KCNAB1: variants seen among roughly 807,000 people sequenced by gnomAD.
KCNAB1 encodes the protein potassium voltage-gated channel subfamily A regulatory beta subunit 1.
In KCNAB1, 35 loss-of-function variants were observed where a neutral mutation model predicts 64.6. That is an observed-to-expected ratio of 0.54 (90% CI 0.41 to 0.72). KCNAB1 has a LOEUF of 0.72. KCNAB1 is among the 30% of genes least tolerant of loss of function. The pLI, the probability that KCNAB1 is intolerant of heterozygous loss-of-function variation, is 0.00. For synonymous variants in KCNAB1, 177 were observed against 183.8 expected (o/e 0.96, Z 0.30); for missense variants, 401 against 512.9 (o/e 0.78, Z 2.11).
chr3:156,184,331 A>C (rs1004923091), intron 1 of KCNAB1, among the ~76,000 whole-genome samples: 1 of 152,118 alleles, frequency 6.6e-6, no homozygotes, highest in East Asian at 1.9e-4. Context: ...CTTTTGTAGC[A>C]TCTCCAGGCT....
chr3:156,278,334 C>T (rs1220936191), intron 1 of KCNAB1, among the ~76,000 whole-genome samples: 1 of 152,100 alleles, frequency 6.6e-6, no homozygotes, highest in East Asian at 1.9e-4. Context: ...GTGGGAAGCT[C>T]CTCCAGAGTC....
intron 1 of KCNAB1, among the ~76,000 whole-genome samples, chr3:156,342,097 G>A (rs988641941): frequency 6.6e-6 from 1 of 152,164 alleles, no homozygotes; most frequent in African/African-American, 2.4e-5. Flanking sequence ...GATGCCACTT[G>A]GAATGCCTGA....
chr3:156,480,320 T>C (rs1714694740), intron 8 of KCNAB1, among the ~76,000 whole-genome samples: 1 of 151,652 alleles, frequency 6.6e-6, no homozygotes, highest in East Asian at 1.9e-4. Context: ...AATTTTCTAT[T>C]AGCTACATCA....
intron 1 of KCNAB1, among the ~76,000 whole-genome samples, chr3:156,137,417 A>G: frequency 6.6e-6 from 1 of 152,186 alleles, no homozygotes; most frequent in Middle Eastern, 3.4e-3. Context: ...CCCCTCCCCT[A>G]TCCTACCAGG....
At chr3:156,344,294 T>C (rs191907355) in intron 1 of KCNAB1, among the ~76,000 whole-genome samples, 1 of 152,348 alleles carries the variant, frequency 6.6e-6, no homozygotes, top group Admixed American at 6.5e-5. Flanking sequence ...AAATTTGCCT[T>C]GCGACAAAGA....
chr3:156,144,943 G>T (rs564250876), intron 1 of KCNAB1, among the ~76,000 whole-genome samples: 1 of 152,308 alleles, frequency 6.6e-6, no homozygotes, highest in African/African-American at 2.4e-5. Context: ...TGAAGTAGAG[G>T]AACACGTTCT....
At chr3:156,123,539 G>A (rs1713472911) in intron 1 of KCNAB1, among the ~76,000 whole-genome samples, 1 of 152,254 alleles carries the variant, frequency 6.6e-6, no homozygotes, top group Non-Finnish European at 1.5e-5. Context: ...ATTGCAGGCA[G>A]CAGGATAGGG....
At position 156,477,324 on chromosome 3, in the gene KCNAB1, T is replaced by C. The variant is rs1003765139; in HGVS notation, c.658+2504T>C. Reference sequence around the variant, plus strand: ...TTCCACAAAGCGGAATGGGAAGCTATTTTATCCTGAGTCATTTTCCAAGCT... The same window carrying C: ...TTCCACAAAGCGGAATGGGAAGCTACTTTATCCTGAGTCATTTTCCAAGCT... On this transcript the variant is annotated intron_variant, in intron 8 of 13. Coordinates refer to ENST00000490337, the MANE Select transcript of KCNAB1 (RefSeq NM_172160.3). Among the ~76,000 whole-genome samples the C allele has an allele frequency of 2.0e-5, 3 of 152,146 alleles. No individual in the cohort carries two copies. The East Asian group carries it at 5.8e-4, about 29-fold the overall frequency.
At chr3:156,125,273 T>C (rs1381396182) in intron 1 of KCNAB1, among the ~76,000 whole-genome samples, 3 of 152,192 alleles carry the variant, frequency 2.0e-5, no homozygotes, top group Non-Finnish European at 4.4e-5. Context: ...ATTTAAGGCC[T>C]ATGAAGAAAA....
intron 1 of KCNAB1, among the ~76,000 whole-genome samples, chr3:156,149,894 T>A (rs1216240025): frequency 6.6e-6 from 1 of 152,214 alleles, no homozygotes; most frequent in Non-Finnish European, 1.5e-5. Context: ...GCCCTTTTCA[T>A]GAGACACTTG....
intron 1 of KCNAB1, among the ~76,000 whole-genome samples, chr3:156,403,931 T>C (rs1459883252): frequency 6.6e-6 from 1 of 150,662 alleles, no homozygotes; most frequent in African/African-American, 2.5e-5. Flanking sequence ...CCATGCATAA[T>C]TGTGTACCAA....
chr3:156,129,054 G>C (rs1053781241), intron 1 of KCNAB1, among the ~76,000 whole-genome samples: 1 of 151,876 alleles, frequency 6.6e-6, no homozygotes, highest in Non-Finnish European at 1.5e-5. Context: ...TTTTATAGTC[G>C]TTCTGTTTAA....
chr3:156,494,259 G>A (rs1715844295), intron 8 of KCNAB1, among the ~76,000 whole-genome samples: 1 of 152,006 alleles, frequency 6.6e-6, no homozygotes, highest in Non-Finnish European at 1.5e-5. Context: ...TTCTGATTTT[G>A]TTCTATGACT....
intron 1 of KCNAB1, among the ~76,000 whole-genome samples, chr3:156,252,354 A>G (rs189377555): frequency 2.7e-4 from 41 of 152,294 alleles, no homozygotes; most frequent in Admixed American, 2.4e-3. Context: ...GGCTGAGAGG[A>G]AAGTAGAGCA....
chr3:156,181,010 A>G (rs1183137140), intron 1 of KCNAB1, among the ~76,000 whole-genome samples: 1 of 152,160 alleles, frequency 6.6e-6, no homozygotes. Context: ...CTTGGCTTAC[A>G]GAGAGCTGCC....
chr3:156,271,663 A>G lies in KCNAB1; in HGVS notation c.276-149953A>G, dbSNP rs184808409. Reference sequence around the variant, plus strand: ...TCAAATGCTCTGTATGAAACGTCAAATATCTGTCTCTCTCCAGGATTGGTC... The same window carrying G: ...TCAAATGCTCTGTATGAAACGTCAAGTATCTGTCTCTCTCCAGGATTGGTC... On this transcript the variant is annotated intron_variant, in intron 1 of 13. Transcript: ENST00000490337. Among the ~76,000 whole-genome samples the G allele has an allele frequency of 1.4e-3, 217 of 152,292 alleles. 1 individual carries two copies. The highest frequency in any genetic ancestry group is 2.3e-3 in the Non-Finnish European group (159 of 68,034).
At chr3:156,351,590 C>G (rs115399168) in intron 1 of KCNAB1, among the ~76,000 whole-genome samples, 1,819 of 152,286 alleles carry the variant, frequency 0.012, 35 homozygotes, top group South Asian at 0.076. Flanking sequence ...TTTCTTCCAG[C>G]CTGTTTGGAG....
chr3:156,252,128 G>A (rs1308823490), intron 1 of KCNAB1, among the ~76,000 whole-genome samples: 4 of 152,196 alleles, frequency 2.6e-5, no homozygotes, highest in Non-Finnish European at 5.9e-5. Flanking sequence ...GAAGCACCTG[G>A]CTCCCCCTGA....
At chr3:156,469,057 T>C (rs941311907) in intron 7 of KCNAB1, among the ~76,000 whole-genome samples, 2 of 152,190 alleles carry the variant, frequency 1.3e-5, no homozygotes, top group Admixed American at 6.5e-5. Context: ...TGTTCTTTTC[T>C]TTTTAATCTA....
Sources: gnomAD v4.1 joint callset for allele counts (sites outside exome capture counted in the v4.1 genomes callset) on GRCh38, gnomAD v4.1.1 for gene constraint, MANE v1.5 for transcripts, NCBI Gene and HGNC (gene_info 2026-07-23, HGNC 2026-07-21) for gene names.